The following CHL1 variants were observed in gnomAD, a reference collection of about 807,000 sequenced individuals.
CHL1 encodes the protein neural cell adhesion molecule L1-like protein.
In CHL1, 96 loss-of-function variants were observed where a neutral mutation model predicts 141.9. The observed-to-expected ratio is 0.68, with a 90% CI of 0.57 to 0.80. The LOEUF is 0.80. Ranked by LOEUF, CHL1 falls within the 30% of genes least tolerant of loss-of-function variation. The probability of loss-of-function intolerance (pLI) is 0.00; values close to 1 mark genes in which losing one functional copy is unlikely to be tolerated. For synonymous variants in CHL1, 613 were observed against 502.2 expected (o/e 1.22, Z -2.95); for missense variants, 1,820 against 1,457.2 (o/e 1.25, Z -4.05).
rs902639037 is a variant in CHL1 at position 408,211 on chromosome 3, G to T, written c.*2500G>T. On this transcript the variant is annotated 3_prime_UTR_variant, in exon 28 of 28. Coordinates refer to ENST00000256509, the MANE Select transcript of CHL1 (RefSeq NM_006614.4). Reference sequence around the variant, plus strand: ...ATGCTTGTTTGCAAATTGCCCACTCGTGATAAGTCAACAGCCAATATTTAA... The same window carrying T: ...ATGCTTGTTTGCAAATTGCCCACTCTTGATAAGTCAACAGCCAATATTTAA... 6.6e-6 allele frequency: 1 copy of T among 152,054 alleles called. No individual in the cohort carries two copies. The highest frequency in any genetic ancestry group is 6.6e-5 in the Admixed American group (1 of 15,234). The allele number at this position is 152,054 out of a possible 1,614,324, so 9.4% of individuals were successfully genotyped here. A position where few individuals can be genotyped will look rare whatever the true frequency, so the allele number is the denominator to read the frequency against.
intron 5 of CHL1, among the ~76,000 whole-genome samples, chr3:334,590 G>T (rs1360706190): frequency 6.6e-6 from 1 of 152,194 alleles, no homozygotes; most frequent in African/African-American, 2.4e-5. Context: ...GTTCATCCAT[G>T]TAGTAGCATA....
chr3:326,467 T>G (rs1431761308), intron 4 of CHL1, among the ~76,000 whole-genome samples: 1 of 152,028 alleles, frequency 6.6e-6, no homozygotes, highest in Non-Finnish European at 1.5e-5. Flanking sequence ...TCTTTAAATT[T>G]AAACATCTTA....
chr3:257,741 A>AT (rs1167945410), intron 2 of CHL1, among the ~76,000 whole-genome samples: 5 of 152,118 alleles, frequency 3.3e-5, no homozygotes, highest in African/African-American at 7.2e-5. Context: ...CAATTCATGT[A>AT]TTTTTTATGT....
rs575580465 is a variant in CHL1 at position 237,586 on chromosome 3, A to C, written c.-174-7027A>C. ...GAGGGTCTACTGTAGATAAAGGCAC[A>C]GGCCTTGAGGTTACACACATTAGGT... On this transcript the variant is annotated intron_variant, in intron 1 of 27. Transcript: ENST00000256509. Among the ~76,000 whole-genome samples the C allele has an allele frequency of 1.6e-3, 248 of 152,328 alleles. 2 individuals carry two copies. Among genetic ancestry groups the C allele is most frequent in the African/African-American group, 5.8e-3 (241 of 41,574 alleles).
intron 2 of CHL1, among the ~76,000 whole-genome samples, chr3:259,922 A>G (rs961434928): frequency 1.3e-5 from 2 of 152,162 alleles, no homozygotes; most frequent in Non-Finnish European, 2.9e-5. Flanking sequence ...CTGAAAGTGC[A>G]CACAATCTCA....
At chr3:220,092 C>T (rs539591629) in intron 1 of CHL1, among the ~76,000 whole-genome samples, 6 of 152,112 alleles carry the variant, frequency 3.9e-5, no homozygotes, top group East Asian at 1.9e-4. Flanking sequence ...TTCATTTATA[C>T]GATATTTTGG....
intron 2 of CHL1, among the ~76,000 whole-genome samples, chr3:267,072 T>G (rs531045793): frequency 6.6e-6 from 1 of 152,368 alleles, no homozygotes; most frequent in Non-Finnish European, 1.5e-5. Context: ...TGCATTTATC[T>G]GTTTTTTGCA....
chr3:226,927 A>T (rs1020293210), intron 1 of CHL1, among the ~76,000 whole-genome samples: 8 of 152,338 alleles, frequency 5.3e-5, no homozygotes, highest in African/African-American at 1.7e-4. Flanking sequence ...CCTTGTCAAA[A>T]TATTTTCTTG....
chr3:275,927 G>A (rs1696053866), intron 2 of CHL1, among the ~76,000 whole-genome samples: 1 of 151,920 alleles, frequency 6.6e-6, no homozygotes, highest in African/African-American at 2.4e-5. Flanking sequence ...TGGCTAAGTA[G>A]TTTATATTTT....
intron 2 of CHL1, among the ~76,000 whole-genome samples, chr3:285,814 C>A (rs543981563): frequency 6.6e-5 from 10 of 151,958 alleles, no homozygotes; most frequent in African/African-American, 2.4e-4. Context: ...TTTTATTTTG[C>A]TTTCTATGAT....
intron 1 of CHL1, among the ~76,000 whole-genome samples, chr3:238,428 A>T (rs930646261): frequency 1.5e-4 from 6 of 40,278 alleles, no homozygotes; most frequent in Non-Finnish European, 5.9e-4. Context: ...AAAAAAAATA[A>T]AAAAAATAGC....
At chr3:209,386 A>G (rs35394807) in intron 1 of CHL1, among the ~76,000 whole-genome samples, 7,353 of 152,318 alleles carry the variant, frequency 0.048, 192 homozygotes, top group African/African-American at 0.078. Flanking sequence ...AAGACAACTC[A>G]GAAATGACTA....
At chr3:255,224 T>C (rs555948219) in intron 2 of CHL1, among the ~76,000 whole-genome samples, 1 of 152,292 alleles carries the variant, frequency 6.6e-6, no homozygotes, top group Admixed American at 6.5e-5. Context: ...TGAGTTAGAG[T>C]TGTTATGCAG....
intron 6 of CHL1, among the ~76,000 whole-genome samples, chr3:341,343 T>C (rs1007446186): frequency 1.3e-5 from 2 of 152,180 alleles, no homozygotes; most frequent in African/African-American, 2.4e-5. Flanking sequence ...TGTTTTCTCA[T>C]TGTGAACCAT....
intron 1 of CHL1, among the ~76,000 whole-genome samples, chr3:210,181 C>G (rs1699786178): frequency 6.6e-6 from 1 of 152,178 alleles, no homozygotes; most frequent in Non-Finnish European, 1.5e-5. Context: ...GAAAAATATT[C>G]TGAATGTAGC....
chr3:348,886 A>G (rs1054499177), intron 9 of CHL1, among the ~76,000 whole-genome samples: 19 of 152,210 alleles, frequency 1.2e-4, no homozygotes, highest in African/African-American at 4.6e-4. Flanking sequence ...GATCAGCATC[A>G]TAGGATTAAA....
At chr3:353,373 A>T in intron 10 of CHL1, among the ~76,000 whole-genome samples, 1 of 152,212 alleles carries the variant, frequency 6.6e-6, no homozygotes, top group African/African-American at 2.4e-5. Flanking sequence ...TAAGGATATC[A>T]TTAAAAAAAT....
chr3:258,461 T>C (rs978862815), intron 2 of CHL1, among the ~76,000 whole-genome samples: 1 of 152,186 alleles, frequency 6.6e-6, no homozygotes, highest in African/African-American at 2.4e-5. Flanking sequence ...AATCTCTCTC[T>C]CAAGAATTTT....
Position 409,017 on chromosome 3 carries a change from A to G in CHL1, c.*3306A>G, listed in dbSNP as rs1435568693. 3 of 152,072 alleles carry G rather than the reference A, an allele frequency of 2.0e-5. No individual in the cohort carries two copies. The highest frequency in any genetic ancestry group is 2.9e-5 in the Non-Finnish European group (2 of 67,974). The allele number at this position is 152,072 out of a possible 1,614,324, so 9.4% of individuals were successfully genotyped here. Reference sequence around the variant, plus strand: ...TGCTTTTCTAAGCATTTAAAACATAATTGCCAATTGAAACCCTAAATATGT... The same window carrying G: ...TGCTTTTCTAAGCATTTAAAACATAGTTGCCAATTGAAACCCTAAATATGT... On this transcript the variant is annotated 3_prime_UTR_variant, in exon 28 of 28. Coordinates refer to ENST00000256509, the MANE Select transcript of CHL1 (RefSeq NM_006614.4).
Sources: gnomAD v4.1 joint callset for allele counts (sites outside exome capture counted in the v4.1 genomes callset) on GRCh38, gnomAD v4.1.1 for gene constraint, MANE v1.5 for transcripts, NCBI Gene and HGNC (gene_info 2026-07-23, HGNC 2026-07-21) for gene names.